Variants in FANCM observed in about 807,000 individuals in gnomAD.
FANCM encodes the protein Fanconi anemia group M protein.
Under a neutral mutation model 199.5 loss-of-function variants are expected in FANCM, and 140 were observed. The ratio of observed to expected loss-of-function variants is 0.70; its 90% CI spans 0.61 to 0.81. FANCM has a LOEUF of 0.81. FANCM is among the 30% of genes least tolerant of loss of function. FANCM has a pLI of 0.00. For synonymous variants in FANCM, 840 were observed against 836.8 expected, an observed-to-expected ratio of 1.00 and a Z score of -0.07; for missense variants, 2,410 against 2,421.4, an observed-to-expected ratio of 1.00 and a Z score of 0.10.
At chr14:45,164,631 A>G in intron 10 of FANCM, 66 bp downstream of exon 10, 2 of 1,231,096 alleles carry the variant, frequency 1.6e-6, no homozygotes, top group South Asian at 1.3e-5. Flanking sequence ...AAAGGTGAAT[A>G]TCAACATGTT....
chr14:45,193,761 T>C (rs1007108532), intron 20 of FANCM, among the ~76,000 whole-genome samples: 1 of 151,990 alleles, frequency 6.6e-6, no homozygotes, highest in African/African-American at 2.4e-5. Context: ...TTTCTAACTT[T>C]GTTTTTTTTT....
chr14:45,147,900 C>A (rs1160884610), intron 3 of FANCM, among the ~76,000 whole-genome samples: 5 of 145,586 alleles, frequency 3.4e-5, no homozygotes, highest in Admixed American at 1.4e-4. Context: ...CCAAACCGCC[C>A]CCCCCCCAAA....
At chr14:45,155,571 C>T (rs926770307) in intron 8 of FANCM, 112 bp downstream of exon 8, 193 of 617,410 alleles carry the variant, frequency 3.1e-4, no homozygotes, top group African/African-American at 9.3e-5. Flanking sequence ...TTTGGGAGGC[C>T]GAGGATCACG....
chr14:45,193,994 A>G (rs1889916887), intron 20 of FANCM, among the ~76,000 whole-genome samples: 1 of 152,150 alleles, frequency 6.6e-6, no homozygotes, highest in African/African-American at 2.4e-5. Flanking sequence ...AAAATCTGCA[A>G]AAGAATTTAT....
chr14:45,150,184 ATTTTGTAGTAATACAGC>A (rs1465140006), intron 4 of FANCM, among the ~76,000 whole-genome samples: 2 of 152,232 alleles, frequency 1.3e-5, no homozygotes, highest in African/African-American at 4.8e-5. Context: ...TTAAAGAGAC[ATTTTGTAGTAATACAGC>A]TTTTTTGTTT....
intron 8 of FANCM, among the ~76,000 whole-genome samples, chr14:45,157,340 G>A (rs888594224): frequency 2.0e-5 from 3 of 152,186 alleles, no homozygotes; most frequent in African/African-American, 7.2e-5. Context: ...AGGAATAGAT[G>A]TGATTATCAG....
intron 10 of FANCM, among the ~76,000 whole-genome samples, chr14:45,165,173 A>T (rs1412582283): frequency 6.6e-6 from 1 of 152,242 alleles, no homozygotes; most frequent in East Asian, 1.9e-4. Flanking sequence ...ACACTAAAGT[A>T]TTAACTAACT....
chr14:45,151,450 G>A lies in FANCM; in HGVS notation c.972G>A (p.Arg324=). 6.2e-7 allele frequency: 1 copy of A among 1,612,532 alleles called. No individual in the cohort carries two copies. The highest frequency in any genetic ancestry group is 8.5e-7 in the Non-Finnish European group (1 of 1,178,726). Residue 324 remains arginine (R), a synonymous_variant, in exon 5 of 23, where the codon AGG becomes AGA. Transcript: ENST00000267430. ...TTCAGAGGAATGTTTTGATGAGAAG[G>A]GATATCCCAAATCTAACAAAATATC... is the stretch of plus-strand genomic sequence containing the variant. ...SLIQRNVLMR[R]DIPNLTKYQI...
rs556857964 is a variant in FANCM, at chr14:45,148,913, C to T, written c.836C>T (p.Thr279Ile). 38 of 1,612,946 alleles carry T rather than the reference C, an allele frequency of 2.4e-5. 2 individuals carry two copies. In the South Asian group the frequency reaches 4.1e-4, roughly 17 times the overall value. The change falls in exon 4 of 23, where the codon ACA becomes ATA. Residue 279 changes from threonine (T) to isoleucine (I), a missense_variant. Coordinates refer to ENST00000267430, the MANE Select transcript of FANCM (RefSeq NM_020937.4). ...LRSEDSPDIL[T>I]YSHERKVEKL... The stretch of plus-strand genomic sequence containing the variant: ...TCTGAAGATTCTCCAGATATTTTGA[C>T]ATATTCTCATGAAAGAAAAGTTGAA...
chr14:45,140,563 GTTGT>G (rs1218386627), intron 2 of FANCM, 65 bp from the exon 3 acceptor site: 4 of 824,762 alleles, frequency 4.8e-6, no homozygotes, highest in East Asian at 2.4e-5. Flanking sequence ...TGTATAATAG[GTTGT>G]TTAACAGAAC....
chr14:45,189,503 A>G, intron 20 of FANCM, 141 bp downstream of exon 20: 1 of 660,636 alleles, frequency 1.5e-6, no homozygotes, highest in African/African-American at 1.8e-5. Flanking sequence ...TCTTCAAACA[A>G]GAAAACAATA....
rs377475907 is a variant in FANCM at position 45,198,699 on chromosome 14, C to A, written c.5772C>A (p.Thr1924=). 59 of 1,613,558 alleles carry A rather than the reference C, an allele frequency of 3.7e-5. No individual in the cohort carries two copies. Among genetic ancestry groups the A allele is most frequent in the Non-Finnish European group, 4.5e-5 (53 of 1,179,684 alleles). ...RTKSYDSLLT[T]LIGAGIRILF... is the part of the protein sequence containing the mutation. ...AGAGCTATGACAGCCTGCTGACTAC[C>A]TTAATTGGCGCTGGAATCCGAATTC... Residue 1924 remains threonine (T), a synonymous_variant, in exon 22 of 23, where the codon ACC becomes ACA. Coordinates refer to ENST00000267430, the MANE Select transcript of FANCM (RefSeq NM_020937.4).
At chr14:45,169,559 C>T (rs1014008207) in intron 11 of FANCM, among the ~76,000 whole-genome samples, 9 of 151,866 alleles carry the variant, frequency 5.9e-5, no homozygotes, top group African/African-American at 2.2e-4. Context: ...AACACCATGC[C>T]CAGCTAATTT....
intron 12 of FANCM, among the ~76,000 whole-genome samples, chr14:45,171,469 C>T (rs572283526): frequency 6.6e-6 from 1 of 152,116 alleles, no homozygotes; most frequent in Admixed American, 6.6e-5. Context: ...TTATCCCTTG[C>T]CCCACTCCTA....
intron 3 of FANCM, among the ~76,000 whole-genome samples, chr14:45,146,083 T>A (rs28410003): frequency 1.9e-4 from 26 of 136,426 alleles, no homozygotes; most frequent in Non-Finnish European, 2.5e-4. Context: ...AAAAAAAAAA[T>A]ACAAAATATT....
chr14:45,160,294 G>A (rs908142104), intron 9 of FANCM, among the ~76,000 whole-genome samples: 5 of 150,420 alleles, frequency 3.3e-5, no homozygotes, highest in African/African-American at 1.2e-4. Context: ...TCGCCTGGCT[G>A]GGAGGTAGTC....
At chr14:45,142,899 A>G (rs1037082871) in intron 3 of FANCM, among the ~76,000 whole-genome samples, 4 of 152,046 alleles carry the variant, frequency 2.6e-5, no homozygotes, top group African/African-American at 9.7e-5. Context: ...TTTGTAATTA[A>G]TAACTGTCTT....
intron 3 of FANCM, among the ~76,000 whole-genome samples, chr14:45,146,531 C>T (rs1250832763): frequency 4.0e-5 from 6 of 151,744 alleles, no homozygotes; most frequent in African/African-American, 9.7e-5. Context: ...TGGTTTTCTC[C>T]CTGACCTCGT....
Position 45,176,525 on chromosome 14 carries a change from T to G in FANCM, c.3771T>G (p.Asp1257Glu). 6.2e-7 allele frequency: 1 copy of G among 1,601,498 alleles called. No individual in the cohort carries two copies. The highest frequency in any genetic ancestry group is 8.5e-7 in the Non-Finnish European group (1 of 1,173,640). Residue 1257 changes from aspartate (D) to glutamate (E), a missense_variant, in exon 14 of 23, where the codon GAT (aspartate) becomes GAG (glutamate). Asp to Glu is a conservative substitution (Grantham distance 45). Coordinates refer to ENST00000267430, the MANE Select transcript of FANCM (RefSeq NM_020937.4). ...EHTSDSNRPLDDLYGRYLEIK... is the reference protein window; with the variant it reads ...EHTSDSNRPLEDLYGRYLEIK... The stretch of plus-strand genomic sequence containing the variant: ...CATCAGATAGCAATAGACCTCTAGA[T>G]GATCTATATGGAAGGTATTTGGAAA...
Sources: allele counts gnomAD v4.1 joint callset (sites outside exome capture counted in the v4.1 genomes callset), GRCh38; gene constraint gnomAD v4.1.1; transcripts MANE v1.5; gene names NCBI Gene and HGNC (gene_info 2026-07-23, HGNC 2026-07-21).